The following FGF12 variants were observed in gnomAD, a reference collection of about 807,000 sequenced individuals.
FGF12 encodes the protein fibroblast growth factor 12, also known as fibroblast growth factor 12B.
FGF12 carries 14 observed loss-of-function variants against 23.6 expected under a neutral mutation model. The observed-to-expected ratio is 0.59, with a 90% CI of 0.39 to 0.93. The LOEUF (loss-of-function observed/expected upper bound fraction) is 0.93, where lower values mean the gene tolerates loss of function less well. FGF12 is among the 40% of genes least tolerant of loss of function. The probability of loss-of-function intolerance (pLI) is 0.00; values close to 1 mark genes in which losing one functional copy is unlikely to be tolerated. For synonymous variants in FGF12, 62 were observed against 77.3 expected (o/e 0.80, Z 1.04); for missense variants, 175 against 217.8 (o/e 0.80, Z 1.24).
intron 5 of FGF12, among the ~76,000 whole-genome samples, chr3:192,146,988 C>T (rs1713763311): frequency 6.6e-6 from 1 of 152,138 alleles, no homozygotes; most frequent in African/African-American, 2.4e-5. Context: ...AAACCTAGTT[C>T]ATGTCCCAGT....
intron 2 of FGF12, among the ~76,000 whole-genome samples, chr3:192,421,096 A>T (rs967607997): frequency 2.0e-5 from 3 of 152,154 alleles, no homozygotes; most frequent in Admixed American, 2.0e-4. Flanking sequence ...AAAGGCAACC[A>T]TCCCATTTCC....
At chr3:192,637,183 A>G (rs577426883) in intron 2 of FGF12, among the ~76,000 whole-genome samples, 44 of 152,282 alleles carry the variant, frequency 2.9e-4, no homozygotes, top group African/African-American at 1.1e-3. Flanking sequence ...GGCTGGTTTT[A>G]TAATGACACT....
intron 2 of FGF12, among the ~76,000 whole-genome samples, chr3:192,422,566 A>G (rs374415985): frequency 9.2e-5 from 14 of 152,144 alleles, no homozygotes; most frequent in African/African-American, 2.9e-4. Flanking sequence ...GCCCTTCTCT[A>G]TAACTCTGGA....
intron 4 of FGF12, among the ~76,000 whole-genome samples, chr3:192,272,378 A>C (rs1713503741): frequency 6.6e-6 from 1 of 152,168 alleles, no homozygotes; most frequent in Admixed American, 6.6e-5. Context: ...TGAAATTGCT[A>C]TGTAAAAATG....
chr3:192,405,599 T>A (rs1720925789), intron 2 of FGF12, among the ~76,000 whole-genome samples: 1 of 151,840 alleles, frequency 6.6e-6, no homozygotes, highest in Admixed American at 6.6e-5. Flanking sequence ...GGCTAGTGGT[T>A]TCAAGAATCA....
chr3:192,683,206 G>C (rs1717600106), intron 2 of FGF12, among the ~76,000 whole-genome samples: 1 of 152,186 alleles, frequency 6.6e-6, no homozygotes, highest in Non-Finnish European at 1.5e-5. Flanking sequence ...ACCCGAACTG[G>C]CAGCCAGCGT....
intron 2 of FGF12, among the ~76,000 whole-genome samples, chr3:192,706,242 A>G (rs1446258518): frequency 6.6e-6 from 1 of 152,202 alleles, no homozygotes; most frequent in Non-Finnish European, 1.5e-5. Flanking sequence ...TTATGATTTA[A>G]TAATCTAAAC....
intron 2 of FGF12, among the ~76,000 whole-genome samples, chr3:192,422,809 TTGA>T (rs1721574392): frequency 6.6e-6 from 1 of 152,172 alleles, no homozygotes; most frequent in Admixed American, 6.5e-5. Flanking sequence ...CTCTTAGTAA[TTGA>T]TGAATCACAT....
chr3:192,321,559 A>G (rs952758056), intron 4 of FGF12, among the ~76,000 whole-genome samples: 3 of 152,052 alleles, frequency 2.0e-5, no homozygotes, highest in African/African-American at 7.2e-5. Flanking sequence ...TACTGATGCA[A>G]AAACACACAA....
intron 4 of FGF12, among the ~76,000 whole-genome samples, chr3:192,312,554 A>G (rs537838472): frequency 3.6e-4 from 55 of 152,244 alleles, no homozygotes; most frequent in Middle Eastern, 3.4e-3. Context: ...AGTAGTACAT[A>G]AATTTTTAGA....
intron 4 of FGF12, among the ~76,000 whole-genome samples, chr3:192,322,132 T>C (rs1352501110): frequency 6.6e-6 from 1 of 150,622 alleles, no homozygotes; most frequent in Non-Finnish European, 1.5e-5. Context: ...AGTTTCAGGG[T>C]ACAAAATCAA....
At chr3:192,436,431 A>G (rs1560110453) in intron 2 of FGF12, among the ~76,000 whole-genome samples, 1 of 152,186 alleles carries the variant, frequency 6.6e-6, no homozygotes, top group Non-Finnish European at 1.5e-5. Context: ...CCAGATTTCC[A>G]ATTCAAAAGG....
At chr3:192,454,058 A>C (rs1303616030) in intron 2 of FGF12, among the ~76,000 whole-genome samples, 1 of 150,734 alleles carries the variant, frequency 6.6e-6, no homozygotes, top group African/African-American at 2.4e-5. Context: ...TTGTTTTTTG[A>C]GATGGAGTCT....
intron 2 of FGF12, among the ~76,000 whole-genome samples, chr3:192,626,094 T>C (rs1051584179): frequency 6.6e-6 from 1 of 152,224 alleles, no homozygotes; most frequent in African/African-American, 2.4e-5. Flanking sequence ...GCTGCTATAA[T>C]GACTGCCATT....
chr3:192,605,907 T>C (rs1714319275), intron 2 of FGF12, among the ~76,000 whole-genome samples: 1 of 152,228 alleles, frequency 6.6e-6, no homozygotes, highest in Admixed American at 6.5e-5. Context: ...GGAATGCTTA[T>C]AAACTGTTGG....
At chr3:192,427,217 C>CT (rs1721715550) in intron 2 of FGF12, among the ~76,000 whole-genome samples, 1 of 152,026 alleles carries the variant, frequency 6.6e-6, no homozygotes, top group Admixed American at 6.5e-5. Context: ...CCCGTCTCTA[C>CT]TAAAAATACA....
At chr3:192,305,152 T>C (rs1163455896) in intron 4 of FGF12, among the ~76,000 whole-genome samples, 1 of 152,128 alleles carries the variant, frequency 6.6e-6, no homozygotes, top group African/African-American at 2.4e-5. Context: ...AGGAGAGATA[T>C]CAAAGATGTT....
At chr3:192,398,178 C>A (rs914669675) in intron 2 of FGF12, among the ~76,000 whole-genome samples, 1 of 152,166 alleles carries the variant, frequency 6.6e-6, no homozygotes, top group Non-Finnish European at 1.5e-5. Flanking sequence ...AGACAGATTT[C>A]TTTATTAGTG....
At chr3:192,432,958 C>A (rs1360579238) in intron 2 of FGF12, among the ~76,000 whole-genome samples, 1 of 152,168 alleles carries the variant, frequency 6.6e-6, no homozygotes, top group Non-Finnish European at 1.5e-5. Context: ...TTGGTGAACT[C>A]CCTGAGGGTA....
Sources: allele counts gnomAD v4.1 joint callset (sites outside exome capture counted in the v4.1 genomes callset), GRCh38; gene constraint gnomAD v4.1.1; transcripts MANE v1.5; gene names NCBI Gene and HGNC (gene_info 2026-07-23, HGNC 2026-07-21).